PDS5A: variants seen among roughly 807,000 people sequenced by gnomAD.
PDS5A encodes the protein sister chromatid cohesion protein PDS5 homolog A.
A neutral mutation model predicts 167.1 loss-of-function variants in PDS5A; 42 were observed. The ratio of observed to expected loss-of-function variants is 0.25; its 90% CI spans 0.20 to 0.33. The LOEUF (loss-of-function observed/expected upper bound fraction) is 0.33. Ranked by LOEUF, PDS5A falls within the 10% of genes least tolerant of loss-of-function variation. The probability of loss-of-function intolerance (pLI) is 1.00; values close to 1 mark genes in which losing one functional copy is unlikely to be tolerated. For synonymous variants in PDS5A, 553 were observed against 554.6 expected (o/e 1.00, Z 0.04); for missense variants, 1,033 against 1,605.9 (o/e 0.64, Z 6.10).
At chr4:39,905,500 G>T (rs1245039312) in intron 11 of PDS5A, among the ~76,000 whole-genome samples, 1 of 152,182 alleles carries the variant, frequency 6.6e-6, no homozygotes, top group Non-Finnish European at 1.5e-5. Flanking sequence ...GGAGGTTGCG[G>T]TGAGCCAAGA....
Position 39,848,913 on chromosome 4 carries a change from A to C in PDS5A, c.3277T>G (p.Cys1093Gly). ...LCVINSKSAL[C>G]NADSPKDPVL... ...GGGTCCTTTGGTGAATCTGCATTGC[A>C]CAAAGCACTTTTACTATTTATAACA... The change falls in exon 28 of 33, where the codon TGC (cysteine) becomes GGC (glycine). Residue 1093 changes from cysteine to glycine, a missense_variant. Transcript: ENST00000303538. The C allele has an allele frequency of 6.2e-7, 1 of 1,605,670 alleles. No individual in the cohort carries two copies.
At chr4:39,949,007 G>T (rs1336777387) in intron 2 of PDS5A, among the ~76,000 whole-genome samples, 2 of 151,896 alleles carry the variant, frequency 1.3e-5, no homozygotes, top group Non-Finnish European at 2.9e-5. Context: ...GCCATAAAAG[G>T]TATAATGAAA....
intron 23 of PDS5A, 66 bp from the exon 24 acceptor site, chr4:39,863,525 T>G: frequency 8.1e-7 from 1 of 1,233,518 alleles, no homozygotes; most frequent in Non-Finnish European, 1.1e-6. Flanking sequence ...AATGCTTTCG[T>G]CCCTTTTTGA....
At chr4:39,936,033 A>G (rs1381345556) in intron 2 of PDS5A, among the ~76,000 whole-genome samples, 7 of 149,656 alleles carry the variant, frequency 4.7e-5, no homozygotes, top group Non-Finnish European at 9.0e-5. Context: ...AATTCGCGAT[A>G]AAAGGAACCT....
At chr4:39,863,538 G>A (rs1719172575) in intron 23 of PDS5A, 79 bp from the exon 24 acceptor site, 2 of 1,003,228 alleles carry the variant, frequency 2.0e-6, no homozygotes, top group Admixed American at 5.3e-5. Flanking sequence ...CTTTTTGAAT[G>A]TAAGGTCCTT....
At chr4:39,878,606 AAC>A (rs1720676582) in intron 18 of PDS5A, among the ~76,000 whole-genome samples, 1 of 152,114 alleles carries the variant, frequency 6.6e-6, no homozygotes, top group Non-Finnish European at 1.5e-5. Context: ...CAAACAAACA[AAC>A]AAAAAAAAGC....
rs867475821 is a variant in PDS5A, at chr4:39,856,282, T to C, written c.3086+5937A>G. On this transcript the variant is annotated intron_variant, in intron 26 of 32. Transcript: ENST00000303538. ...TATAAGATTTGTCTTTGTCCAAGAA[T>C]AAAGACAAAATCAAAACATTTTCCA... is the stretch of plus-strand genomic sequence containing the variant. 1.5e-4 allele frequency among the ~76,000 whole-genome samples: 23 copies of C among 152,208 alleles called. No individual in the cohort carries two copies. In the Middle Eastern group the frequency reaches 0.01, roughly 68 times the overall value.
At chr4:39,974,472 T>C (rs1578861664) in intron 2 of PDS5A, 2 of 281,832 alleles carry the variant, frequency 7.1e-6, no homozygotes, top group South Asian at 3.4e-5. Flanking sequence ...CCCAAAACAG[T>C]GTAACTTTTA....
chr4:39,956,324 T>C (rs1348378204), intron 2 of PDS5A, among the ~76,000 whole-genome samples: 2 of 150,904 alleles, frequency 1.3e-5, no homozygotes, highest in Non-Finnish European at 3.0e-5. Context: ...AAACCCTATG[T>C]TTACCAAAAA....
intron 26 of PDS5A, among the ~76,000 whole-genome samples, chr4:39,850,645 G>A (rs1266579658): frequency 6.6e-6 from 1 of 152,200 alleles, no homozygotes. Flanking sequence ...AGTCTAAGTT[G>A]CATGTATTAT....
chr4:39,864,469 A>G (rs1167226470), intron 23 of PDS5A, among the ~76,000 whole-genome samples: 1 of 152,218 alleles, frequency 6.6e-6, no homozygotes, highest in Non-Finnish European at 1.5e-5. Flanking sequence ...CTTACGTGGT[A>G]AAATGTGGTA....
chr4:39,844,141 C>A (rs531725179), intron 30 of PDS5A, among the ~76,000 whole-genome samples: 1 of 151,672 alleles, frequency 6.6e-6, no homozygotes, highest in East Asian at 1.9e-4. Context: ...CAAAGTGAGA[C>A]CCTGTCTCTT....
intron 32 of PDS5A, chr4:39,837,234 T>C (rs1716513155): frequency 6.6e-6 from 1 of 152,410 alleles, no homozygotes. Context: ...GCCTACAGTC[T>C]AATTCAGGGG....
chr4:39,951,897 T>TTAAA (rs1728433494), intron 2 of PDS5A, among the ~76,000 whole-genome samples: 1 of 36,074 alleles, frequency 2.8e-5, no homozygotes, highest in Non-Finnish European at 5.5e-5. Context: ...AGAGTCTGTC[T>TTAAA]CAAAAAAAAA....
intron 31 of PDS5A, among the ~76,000 whole-genome samples, chr4:39,841,327 C>T (rs770659114): frequency 1.2e-4 from 18 of 151,474 alleles, no homozygotes; most frequent in African/African-American, 2.2e-4. Flanking sequence ...TTTATAGAGA[C>T]GGGGTTTCGC....
chr4:39,839,759 G>GT (rs537149101), intron 31 of PDS5A, among the ~76,000 whole-genome samples: 1 of 148,046 alleles, frequency 6.8e-6, no homozygotes, highest in Non-Finnish European at 1.5e-5. Flanking sequence ...GATTCTGGGG[G>GT]GGGGGGGCAG....
In PDS5A at chr4:39,824,586, T is replaced by C. The variant is rs995176981; in HGVS notation, c.*899A>G. ...CAAAGTCCAACTATTTTTTAAAAAT[T>C]GATTTTTTTTACATTAATAAAAATC... is the stretch of plus-strand genomic sequence containing the variant. On this transcript the variant is annotated 3_prime_UTR_variant, in exon 33 of 33. Coordinates refer to ENST00000303538, the MANE Select transcript of PDS5A (RefSeq NM_001100399.2). The C allele has an allele frequency of 1.3e-5, 2 of 152,618 alleles. No individual in the cohort carries two copies. Among genetic ancestry groups the C allele is most frequent in the Admixed American group, 6.5e-5 (1 of 15,274 alleles). The allele number at this position is 152,618 out of a possible 1,614,324, so 9.5% of individuals were successfully genotyped here. A position where few individuals can be genotyped will look rare whatever the true frequency, so the allele number is the denominator to read the frequency against.
intron 14 of PDS5A, 78 bp downstream of exon 14, chr4:39,900,348 T>G (rs1040983021): frequency 1.9e-5 from 16 of 837,134 alleles, no homozygotes; most frequent in Non-Finnish European, 2.9e-5. Flanking sequence ...ACTTTTTCCC[T>G]GCTTCATTAC....
intron 9 of PDS5A, among the ~76,000 whole-genome samples, chr4:39,912,430 C>G (rs1352949520): frequency 6.6e-6 from 1 of 152,242 alleles, no homozygotes; most frequent in Non-Finnish European, 1.5e-5. Flanking sequence ...TTGCTTCATT[C>G]CCACCATTCA....
Sources: allele counts gnomAD v4.1 joint callset (sites outside exome capture counted in the v4.1 genomes callset), GRCh38; gene constraint gnomAD v4.1.1; transcripts MANE v1.5; gene names NCBI Gene and HGNC (gene_info 2026-07-23, HGNC 2026-07-21).